The following FAF1 variants were observed in gnomAD, a reference collection of about 807,000 sequenced individuals.
The protein encoded by FAF1 is Fas associated factor 1.
FAF1 carries 25 observed loss-of-function variants against 92.5 expected under a neutral mutation model. The observed-to-expected ratio is 0.27, with a 90% confidence interval of 0.20 to 0.38. The LOEUF is 0.38. Among genes scored for constraint, FAF1 ranks in the 10% least tolerant of loss-of-function variants. FAF1 has a pLI of 1.00. For missense variants in FAF1, 636 were observed against 793.3 expected (o/e 0.80, Z 2.38); for synonymous variants, 234 against 273.2 (o/e 0.86, Z 1.42).
intron 8 of FAF1, among the ~76,000 whole-genome samples, chr1:50,653,012 T>C (rs987281033): frequency 1.3e-5 from 2 of 152,328 alleles, no homozygotes; most frequent in African/African-American, 4.8e-5. Context: ...AATATTACTA[T>C]TTCTTGTAAC....
At chr1:50,627,844 T>A (rs1186619219) in intron 8 of FAF1, among the ~76,000 whole-genome samples, 1 of 152,102 alleles carries the variant, frequency 6.6e-6, no homozygotes, top group South Asian at 2.1e-4. Flanking sequence ...ATTTTTTTTT[T>A]TAAATGCTGC....
intron 7 of FAF1, among the ~76,000 whole-genome samples, chr1:50,694,943 C>T (rs920071213): frequency 1.3e-5 from 2 of 151,360 alleles, no homozygotes; most frequent in Admixed American, 6.6e-5. Flanking sequence ...CCTTTGGCGA[C>T]AGAGCGAGAC....
intron 2 of FAF1, among the ~76,000 whole-genome samples, chr1:50,821,995 G>A (rs1413881787): frequency 6.6e-6 from 1 of 151,864 alleles, no homozygotes; most frequent in Admixed American, 6.6e-5. Context: ...AAGTGGGTAG[G>A]TTAACAGCCC....
chr1:50,574,962 G>A (rs1276269361), intron 12 of FAF1, among the ~76,000 whole-genome samples: 1 of 133,278 alleles, frequency 7.5e-6, no homozygotes, highest in African/African-American at 2.9e-5. Context: ...AGGCTGGAGT[G>A]CAGTGGCATG....
intron 17 of FAF1, among the ~76,000 whole-genome samples, chr1:50,476,905 G>C (rs1401873062): frequency 6.6e-6 from 1 of 152,090 alleles, no homozygotes; most frequent in African/African-American, 2.4e-5. Context: ...TGGTTCTTTG[G>C]AGGTAATAAA....
intron 2 of FAF1, 81 bp downstream of exon 2, chr1:50,857,848 A>G: frequency 1.2e-6 from 1 of 813,066 alleles, no homozygotes; most frequent in Non-Finnish European, 2.0e-6. Context: ...GGTATGCTGA[A>G]CCCATCTATA....
chr1:50,646,893 T>C (rs528693969), intron 8 of FAF1, among the ~76,000 whole-genome samples: 10 of 152,348 alleles, frequency 6.6e-5, no homozygotes, highest in African/African-American at 2.2e-4. Context: ...TTACCCAGGC[T>C]GGAGTACAGT....
At position 50,577,295 on chromosome 1, in the gene FAF1, C is replaced by T. The variant is rs190273847; in HGVS notation, c.1113+5323G>A. ...ATCCCAGCACTCTGGGAGGCTGAGG[C>T]GGGTGGATCACCTGAGGTCAGGAGT... On this transcript the variant is annotated intron_variant, in intron 12 of 18. Transcript: ENST00000396153. Among the ~76,000 whole-genome samples the T allele has an allele frequency of 1.4e-3, 212 of 152,254 alleles. 1 individual carries two copies. The highest frequency in any genetic ancestry group is 4.8e-3 in the African/African-American group (199 of 41,560).
At chr1:50,664,384 C>G (rs1040773989) in intron 7 of FAF1, among the ~76,000 whole-genome samples, 2 of 151,640 alleles carry the variant, frequency 1.3e-5, no homozygotes, top group Non-Finnish European at 2.9e-5. Flanking sequence ...TGCAAACTCA[C>G]AATAAATGAC....
chr1:50,491,739 A>C lies in FAF1; in HGVS notation c.1557T>G (p.Leu519=), dbSNP rs747902598. The C allele has an allele frequency of 4.3e-6, 7 of 1,611,884 alleles. No individual in the cohort carries two copies. The highest frequency in any genetic ancestry group is 5.9e-6 in the Non-Finnish European group (7 of 1,179,186). The change falls in exon 16 of 19, where the codon CTT becomes CTG. Residue 519 remains leucine, a synonymous_variant. Coordinates refer to ENST00000396153, the MANE Select transcript of FAF1 (RefSeq NM_007051.3). ...AGCCTACCTTTGCTCTGTCAGCCTC[A>C]AGTGAAAGGCGATAGGCCTCATCTT... ...REQDEAYRLS[L]EADRAKREAH...
intron 3 of FAF1, among the ~76,000 whole-genome samples, chr1:50,792,974 G>A (rs1263765954): frequency 6.6e-6 from 1 of 152,122 alleles, no homozygotes; most frequent in African/African-American, 2.4e-5. Context: ...CTGAGCATGG[G>A]TTTTTTTGTT....
At chr1:50,557,525 G>A (rs1649647662) in intron 13 of FAF1, among the ~76,000 whole-genome samples, 1 of 151,980 alleles carries the variant, frequency 6.6e-6, no homozygotes, top group Admixed American at 6.6e-5. Flanking sequence ...TGCTTTTTTT[G>A]GTGGTATATT....
At position 50,959,856 on chromosome 1, in the gene FAF1, G is replaced by A. The variant is rs1370821662; in HGVS notation, c.-45C>T. On this transcript the variant is annotated 5_prime_UTR_variant, in exon 1 of 19. Coordinates refer to ENST00000396153, the MANE Select transcript of FAF1 (RefSeq NM_007051.3). ...GGCTCCGGGAGCGAAGCGCGCACCT[G>A]GGAGGCAGACGGCACCTCCTGCGAC... 1 of 1,478,554 alleles carries A rather than the reference G, an allele frequency of 6.8e-7. No individual in the cohort carries two copies. Among genetic ancestry groups the A allele is most frequent in the Non-Finnish European group, 9.1e-7 (1 of 1,098,866 alleles). 91.6% of individuals were successfully genotyped at this position (1,478,554 alleles called of 1,614,324 possible). A position where few individuals can be genotyped will look rare whatever the true frequency, so the allele number is the denominator to read the frequency against.
chr1:50,653,477 A>G (rs943164634), intron 8 of FAF1, among the ~76,000 whole-genome samples: 1 of 152,102 alleles, frequency 6.6e-6, no homozygotes, highest in Non-Finnish European at 1.5e-5. Context: ...TAGCCCCCCA[A>G]GTAGCTGGGA....
chr1:50,676,165 G>A (rs769339700), intron 7 of FAF1, among the ~76,000 whole-genome samples: 13 of 152,128 alleles, frequency 8.5e-5, no homozygotes, highest in Non-Finnish European at 1.3e-4. Context: ...CCAGCACTTC[G>A]GGAGGCCGAG....
At chr1:50,638,445 CTTTTTTTTTTT>C (rs35054798) in intron 8 of FAF1, among the ~76,000 whole-genome samples, 4 of 131,628 alleles carry the variant, frequency 3.0e-5, no homozygotes. Context: ...TTTTCTTTTT[CTTTTTTTTTTT>C]TTTTTTGAGA....
chr1:50,788,717 T>C (rs1342939845), intron 3 of FAF1, among the ~76,000 whole-genome samples: 1 of 152,228 alleles, frequency 6.6e-6, no homozygotes, highest in African/African-American at 2.4e-5. Flanking sequence ...GAAATTTCCC[T>C]TATCTTCTTA....
intron 8 of FAF1, among the ~76,000 whole-genome samples, chr1:50,619,725 G>A (rs1279509368): frequency 6.6e-6 from 1 of 152,096 alleles, no homozygotes; most frequent in Non-Finnish European, 1.5e-5. Flanking sequence ...ATGCCTTGGG[G>A]ATGGTCGTCT....
intron 1 of FAF1, among the ~76,000 whole-genome samples, chr1:50,891,877 T>C (rs1644723086): frequency 6.6e-6 from 1 of 152,196 alleles, no homozygotes. Flanking sequence ...CAATACTCTC[T>C]TCAAAACTGT....
Sources: allele counts gnomAD v4.1 joint callset (sites outside exome capture counted in the v4.1 genomes callset), GRCh38; gene constraint gnomAD v4.1.1; transcripts MANE v1.5; gene names NCBI Gene and HGNC (gene_info 2026-07-23, HGNC 2026-07-21).